The following SVIL variants were observed in gnomAD, a reference collection of about 807,000 sequenced individuals.
The protein encoded by SVIL is supervillin, also known as archvillin.
In SVIL, 101 loss-of-function variants were observed where a neutral mutation model predicts 240.4. The ratio of observed to expected loss-of-function variants is 0.42; its 90% CI spans 0.36 to 0.50. The LOEUF (loss-of-function observed/expected upper bound fraction) is 0.50, where lower values mean the gene tolerates loss of function less well. SVIL is among the 20% of genes least tolerant of loss of function. SVIL has a pLI of 0.01. For synonymous variants in SVIL, 999 were observed against 1,100.0 expected (o/e 0.91, Z 1.82); for missense variants, 2,512 against 2,818.7 (o/e 0.89, Z 2.46).
At chr10:29,637,575 T>C (rs569467071), upstream of SVIL, among the ~76,000 whole-genome samples, 59 of 152,276 alleles carry the variant, frequency 3.9e-4, no homozygotes, top group Non-Finnish European at 2.1e-4. Context: ...CAACACAGCA[T>C]TGGCAAAAAG....
At chr10:29,729,808 T>C (rs1444407183) in intron 1 of SVIL, among the ~76,000 whole-genome samples, 1 of 115,272 alleles carries the variant, frequency 8.7e-6, no homozygotes, top group African/African-American at 3.5e-5. Context: ...CACTCCAGCC[T>C]GGGTGGCAGA....
intron 31 of SVIL, 111 bp downstream of exon 31, chr10:29,471,027 G>A: frequency 9.9e-7 from 1 of 1,005,404 alleles, no homozygotes; most frequent in South Asian, 1.4e-5. Flanking sequence ...GGCTTTCAGA[G>A]GTCGAGCCAC....
At chr10:29,579,331 G>A (rs1183566829) in intron 1 of SVIL, among the ~76,000 whole-genome samples, 6 of 152,130 alleles carry the variant, frequency 3.9e-5, no homozygotes, top group East Asian at 1.9e-4. Flanking sequence ...CCAGCTACTC[G>A]GGAGGCTGAG....
chr10:29,540,185 A>G lies in SVIL; in HGVS notation c.828-4116T>C, dbSNP rs1207537493. On this transcript the variant is annotated intron_variant, in intron 6 of 37. Transcript: ENST00000355867. ...TTCAAACCCTCCTAGGGCTCAACAT[A>G]TCAAGTAGGGCAAACCCCAAAGCCC... 3.9e-5 allele frequency among the ~76,000 whole-genome samples: 6 copies of G among 152,266 alleles called. No homozygotes were observed. The South Asian group carries it at 1.2e-3, about 32-fold the overall frequency.
At chr10:29,553,764 T>A (rs1409209384) in intron 5 of SVIL, among the ~76,000 whole-genome samples, 1 of 152,234 alleles carries the variant, frequency 6.6e-6, no homozygotes, top group African/African-American at 2.4e-5. Flanking sequence ...CTCAACATAC[T>A]GTTTAATATG....
intron 29 of SVIL, among the ~76,000 whole-genome samples, chr10:29,477,754 G>A (rs1054952215): frequency 6.6e-6 from 1 of 152,186 alleles, no homozygotes; most frequent in African/African-American, 2.4e-5. Flanking sequence ...CTAAAGCTGG[G>A]CTTTTTCTAA....
At chr10:29,531,228 G>T (rs557483042) in intron 10 of SVIL, 26 bp downstream of exon 10, 2 of 1,609,984 alleles carry the variant, frequency 1.2e-6, no homozygotes, top group South Asian at 1.1e-5. Flanking sequence ...TAATAAAGAA[G>T]AAAAAAAAGG....
chr10:29,476,100 A>G (rs1002808122), intron 29 of SVIL, among the ~76,000 whole-genome samples: 1 of 152,254 alleles, frequency 6.6e-6, no homozygotes, highest in East Asian at 1.9e-4. Context: ...AATAGGAACC[A>G]TCAATGACTA....
In SVIL at chr10:29,533,098, G is replaced by A. The variant is rs779948747; in HGVS notation, c.1269C>T (p.Cys423=). 7.5e-5 allele frequency: 121 copies of A among 1,613,480 alleles called. No homozygotes were observed. The highest frequency in any genetic ancestry group is 9.7e-5 in the Non-Finnish European group (114 of 1,179,888). The change falls in exon 8 of 38, where the codon TGC becomes TGT. Residue 423 remains cysteine (C), a synonymous_variant. Transcript: ENST00000355867. Reference sequence around the variant, plus strand: ...CTTCTTCTTCTTCTGCTTTTGACTCGCAGACATGGAGAACTGGGCTATCCC... The same window carrying A: ...CTTCTTCTTCTTCTGCTTTTGACTCACAGACATGGAGAACTGGGCTATCCC... ...DGRDSPVLHV[C]ESKAEEEEGE... is the part of the protein sequence containing the mutation.
intron 16 of SVIL, among the ~76,000 whole-genome samples, chr10:29,514,444 G>A (rs1156710834): frequency 6.6e-6 from 1 of 152,108 alleles, no homozygotes; most frequent in Non-Finnish European, 1.5e-5. Context: ...GTCTTGCTAT[G>A]CTGCTCAGGC....
chr10:29,686,748 C>G (rs890179411), intron 1 of SVIL: 4 of 152,132 alleles, frequency 2.6e-5, no homozygotes, highest in Admixed American at 2.6e-4. Flanking sequence ...TTGCATTTAA[C>G]CTCTGGAAAT....
At chr10:29,553,888 GCGCTCCCTGCTGAGAGCAGC>G (rs1457859903) in intron 5 of SVIL, among the ~76,000 whole-genome samples, 2 of 152,154 alleles carry the variant, frequency 1.3e-5, no homozygotes, top group Non-Finnish European at 2.9e-5. Flanking sequence ...TTTGACTCTA[GCGCTCCCTGCTGAGAGCAGC>G]CGCTCCCTGT....
At position 29,509,358 on chromosome 10, in the gene SVIL, A is replaced by AG. The variant is rs1554828029; in HGVS notation, c.3516+3376dup. Among the ~76,000 whole-genome samples the AG allele has an allele frequency of 7.1e-4, 92 of 128,856 alleles. 1 individual carries two copies. Among genetic ancestry groups the AG allele is most frequent in the Admixed American group, 2.1e-3 (27 of 12,640 alleles). 84.5% of individuals were successfully genotyped at this position (128,856 alleles called of 152,430 possible). On this transcript the variant is annotated intron_variant, in intron 17 of 37. Transcript: ENST00000355867. ...GAGAGAGAGAGAGAGAGAGAGAGAG[A>AG]GAGAGAGAGAGAGAGAGAGAGAATA...
At chr10:29,729,671 T>TAAAAAAAAA (rs1262255805) in intron 1 of SVIL, among the ~76,000 whole-genome samples, 1 of 68,324 alleles carries the variant, frequency 1.5e-5, no homozygotes, top group Non-Finnish European at 2.8e-5. Context: ...CCATCTCTAC[T>TAAAAAAAAA]AAAAACACAA....
intron 6 of SVIL, among the ~76,000 whole-genome samples, chr10:29,547,689 G>T (rs1161945292): frequency 6.6e-6 from 1 of 152,048 alleles, no homozygotes; most frequent in Non-Finnish European, 1.5e-5. Flanking sequence ...GCTCAACAAA[G>T]TCTTAATTAC....
rs532233834 is a variant in SVIL at position 29,557,650 on chromosome 10, C to T, written c.-50-2542G>A. Among the ~76,000 whole-genome samples, 6 of 152,284 alleles carry T rather than the reference C, an allele frequency of 3.9e-5. No individual in the cohort carries two copies. The South Asian group carries it at 1.2e-3, about 32-fold the overall frequency. ...CATGGAAAAGCAAAGCAACATGTTGCTTCCTGCTATTTTCTATTTCCCATA... is the reference window on the plus strand; with the variant it reads ...CATGGAAAAGCAAAGCAACATGTTGTTTCCTGCTATTTTCTATTTCCCATA... On this transcript the variant is annotated intron_variant, in intron 3 of 37. Coordinates refer to ENST00000355867, the MANE Select transcript of SVIL (RefSeq NM_021738.3).
chr10:29,488,234 T>C (rs560873082), intron 23 of SVIL, among the ~76,000 whole-genome samples: 8 of 152,122 alleles, frequency 5.3e-5, no homozygotes, highest in South Asian at 4.2e-4. Flanking sequence ...CCTCTGATGA[T>C]GTAGGGCACC....
chr10:29,709,306 G>A lies in SVIL; in HGVS notation c.-399-22655C>T, dbSNP rs74653629. 1.0e-2 allele frequency among the ~76,000 whole-genome samples: 1,522 copies of A among 152,256 alleles called. 26 individuals carry two copies. Among genetic ancestry groups the A allele is most frequent in the African/African-American group, 0.033 (1,385 of 41,544 alleles). ...CCAATGAGCATAACCTTTGAGTGTC[G>A]TGTCATGTTGGCACTCAAAAAGTTT... On this transcript the variant is annotated intron_variant, in intron 1 of 35. Coordinates refer to the SVIL transcript ENST00000375400.
intron 1 of SVIL, among the ~76,000 whole-genome samples, chr10:29,600,731 G>A (rs555952980): frequency 1.5e-4 from 23 of 152,292 alleles, no homozygotes; most frequent in East Asian, 3.9e-4. Flanking sequence ...ATGCAAAAAC[G>A]AAGGGGTAGA....
Sources: gnomAD v4.1 joint callset for allele counts (sites outside exome capture counted in the v4.1 genomes callset) on GRCh38, gnomAD v4.1.1 for gene constraint, MANE v1.5 for transcripts, NCBI Gene and HGNC (gene_info 2026-07-23, HGNC 2026-07-21) for gene names.